GRIN3A: variants seen among roughly 807,000 people sequenced by gnomAD.
The protein encoded by GRIN3A is glutamate receptor ionotropic, NMDA 3A.
Under a neutral mutation model 92.4 loss-of-function variants are expected in GRIN3A, and 47 were observed. The observed-to-expected ratio is 0.51, with a 90% CI of 0.40 to 0.65. The LOEUF is 0.65. Ranked by LOEUF, GRIN3A falls within the 30% of genes least tolerant of loss-of-function variation. The pLI is 0.00. For missense variants in GRIN3A, 1,324 were observed against 1,393.1 expected (o/e 0.95, Z 0.79); for synonymous variants, 527 against 540.6 (o/e 0.97, Z 0.35).
intron 6 of GRIN3A, among the ~76,000 whole-genome samples, chr9:101,580,312 GC>G (rs1427877855): frequency 6.6e-6 from 1 of 152,148 alleles, no homozygotes; most frequent in Admixed American, 6.5e-5. Context: ...AATTTATGAA[GC>G]TCATGATTCT....
At chr9:101,645,721 ATATAT>A (rs535556467) in intron 3 of GRIN3A, among the ~76,000 whole-genome samples, 10 of 148,030 alleles carry the variant, frequency 6.8e-5, no homozygotes, top group African/African-American at 2.2e-4. Flanking sequence ...ATTAAATGTT[ATATAT>A]TATATGTTAT....
At position 101,738,385 on chromosome 9, in the gene GRIN3A, C is replaced by G. The variant is rs1334677433; in HGVS notation, c.-406G>C. The G allele has an allele frequency of 3.9e-6, 1 of 256,598 alleles. No homozygotes were observed. The highest frequency in any genetic ancestry group is 7.5e-6 in the Non-Finnish European group (1 of 133,894). The allele number at this position is 256,598 out of a possible 1,614,324, so 15.9% of individuals were successfully genotyped here. ...GGGGGCAGCAGTGACAGAGGAGCGA[C>G]GCGCTCTCGCCTGGATTCTTTTCCT... On this transcript the variant is annotated 5_prime_UTR_variant, in exon 1 of 9. Coordinates refer to ENST00000361820, the MANE Select transcript of GRIN3A (RefSeq NM_133445.3).
At chr9:101,730,418 G>A (rs1215844754) in intron 1 of GRIN3A, among the ~76,000 whole-genome samples, 1 of 152,114 alleles carries the variant, frequency 6.6e-6, no homozygotes, top group Non-Finnish European at 1.5e-5. Flanking sequence ...AACATCATAA[G>A]AACACACTGC....
intron 3 of GRIN3A, among the ~76,000 whole-genome samples, chr9:101,639,674 T>C (rs1468641473): frequency 2.0e-5 from 3 of 152,218 alleles, no homozygotes; most frequent in Non-Finnish European, 4.4e-5. Context: ...ATAGGAACTT[T>C]TAAAATGCCA....
At chr9:101,664,552 CCT>C (rs1829214301) in intron 3 of GRIN3A, among the ~76,000 whole-genome samples, 1 of 151,816 alleles carries the variant, frequency 6.6e-6, no homozygotes, top group Non-Finnish European at 1.5e-5. Context: ...CAGGCCAGTT[CCT>C]CTCTCTTGGG....
intron 2 of GRIN3A, among the ~76,000 whole-genome samples, chr9:101,676,940 C>A (rs1460901946): frequency 6.6e-6 from 1 of 150,866 alleles, no homozygotes; most frequent in Non-Finnish European, 1.5e-5. Flanking sequence ...TGATTCATAT[C>A]TACGACGAAT....
chr9:101,603,959 C>T (rs1588244351), intron 6 of GRIN3A, among the ~76,000 whole-genome samples: 1 of 152,194 alleles, frequency 6.6e-6, no homozygotes, highest in South Asian at 2.1e-4. Context: ...GTTTGTGTCA[C>T]GGCTTACCTT....
intron 1 of GRIN3A, among the ~76,000 whole-genome samples, chr9:101,713,409 T>G (rs1465378078): frequency 6.6e-6 from 1 of 152,186 alleles, no homozygotes; most frequent in Non-Finnish European, 1.5e-5. Context: ...GGAAATTTGT[T>G]ACATACACAA....
chr9:101,574,422 T>A (rs1172446349), intron 8 of GRIN3A, among the ~76,000 whole-genome samples: 1 of 152,008 alleles, frequency 6.6e-6, no homozygotes, highest in Non-Finnish European at 1.5e-5. Context: ...AGTAGGAGGG[T>A]TATGACAACT....
At chr9:101,729,064 G>T (rs369435431) in intron 1 of GRIN3A, among the ~76,000 whole-genome samples, 1 of 152,156 alleles carries the variant, frequency 6.6e-6, no homozygotes, top group Non-Finnish European at 1.5e-5. Context: ...CAACTGGGTT[G>T]TACTTAGCAG....
intron 3 of GRIN3A, among the ~76,000 whole-genome samples, chr9:101,644,359 G>A (rs551139814): frequency 2.6e-5 from 4 of 150,998 alleles, no homozygotes; most frequent in Admixed American, 6.6e-5. Context: ...TGAAGAAACC[G>A]GAATTGATGA....
At chr9:101,679,415 T>C (rs1407459999) in intron 2 of GRIN3A, among the ~76,000 whole-genome samples, 1 of 152,188 alleles carries the variant, frequency 6.6e-6, no homozygotes, top group African/African-American at 2.4e-5. Context: ...TTCATCAAAA[T>C]AGAGTCTTGA....
chr9:101,589,943 T>C (rs1414913717), intron 6 of GRIN3A, among the ~76,000 whole-genome samples: 1 of 152,226 alleles, frequency 6.6e-6, no homozygotes, highest in African/African-American at 2.4e-5. Flanking sequence ...GACTCCTTAG[T>C]CAATAAAAAG....
chr9:101,703,929 T>C (rs1177514000), intron 1 of GRIN3A, among the ~76,000 whole-genome samples: 2 of 152,236 alleles, frequency 1.3e-5, no homozygotes, highest in Non-Finnish European at 2.9e-5. Flanking sequence ...TCCATCTTGA[T>C]CTTATCTCTA....
intron 2 of GRIN3A, among the ~76,000 whole-genome samples, chr9:101,684,142 C>T (rs778476743): frequency 4.7e-4 from 68 of 144,380 alleles, no homozygotes; most frequent in Non-Finnish European, 9.2e-4. Context: ...GACGGAGTCT[C>T]GCCAGGCTGG....
chr9:101,601,138 G>A (rs1828204859), intron 6 of GRIN3A: 1 of 152,168 alleles, frequency 6.6e-6, no homozygotes, highest in Non-Finnish European at 1.5e-5. Flanking sequence ...AAGGGAACAA[G>A]TACCATAATC....
chr9:101,627,247 C>G (rs1009804957), intron 4 of GRIN3A, among the ~76,000 whole-genome samples: 9 of 152,158 alleles, frequency 5.9e-5, no homozygotes, highest in Non-Finnish European at 1.2e-4. Context: ...TTTCATAATA[C>G]TTACACATCA....
intron 6 of GRIN3A, among the ~76,000 whole-genome samples, chr9:101,607,451 C>A (rs73509323): frequency 0.01 from 1,558 of 152,124 alleles, 29 homozygotes; most frequent in African/African-American, 0.036. Context: ...AAAAGTAAAC[C>A]GAAAAATGGA....
chr9:101,691,173 G>A (rs1412870523), intron 1 of GRIN3A, among the ~76,000 whole-genome samples: 1 of 152,098 alleles, frequency 6.6e-6, no homozygotes, highest in Non-Finnish European at 1.5e-5. Flanking sequence ...AGTCAATAAG[G>A]AAATAGAAGC....
Sources: gnomAD v4.1 joint callset for allele counts (sites outside exome capture counted in the v4.1 genomes callset) on GRCh38, gnomAD v4.1.1 for gene constraint, MANE v1.5 for transcripts, NCBI Gene and HGNC (gene_info 2026-07-23, HGNC 2026-07-21) for gene names.